The following SYMPK variants were observed in gnomAD, a reference collection of about 807,000 sequenced individuals.
SYMPK encodes symplekin scaffold protein.
A neutral mutation model predicts 136.4 loss-of-function variants in SYMPK; 49 were observed. That is an observed-to-expected ratio of 0.36 (90% CI 0.29 to 0.46). The LOEUF (loss-of-function observed/expected upper bound fraction) is 0.46. SYMPK is among the 20% of genes least tolerant of loss of function. The probability of loss-of-function intolerance (pLI) is 1.00; values close to 1 mark genes in which losing one functional copy is unlikely to be tolerated. For synonymous variants in SYMPK, 766 were observed against 713.0 expected (o/e 1.07, Z -1.19); for missense variants, 1,365 against 1,690.0 (o/e 0.81, Z 3.37).
intron 5 of SYMPK, among the ~76,000 whole-genome samples, chr19:45,850,633 G>C (rs773019843): frequency 1.3e-5 from 2 of 152,076 alleles, no homozygotes; most frequent in Non-Finnish European, 2.9e-5. Flanking sequence ...CACAGCGCAG[G>C]GCACAGTACG....
chr19:45,856,742 T>C (rs578168427), intron 1 of SYMPK, among the ~76,000 whole-genome samples: 3 of 152,124 alleles, frequency 2.0e-5, no homozygotes, highest in Non-Finnish European at 4.4e-5. Context: ...GAGGATCAAT[T>C]GAGCTCAGGA....
In SYMPK at chr19:45,854,521, A is replaced by G; in HGVS notation, c.-12-14T>C. 1 of 1,607,152 alleles carries G rather than the reference A, an allele frequency of 6.2e-7. No homozygotes were observed. The highest frequency in any genetic ancestry group is 1.7e-4 in the Middle Eastern group (1 of 6,044). On this transcript the variant is annotated splice_polypyrimidine_tract_variant and intron_variant, in intron 1 of 26. Coordinates refer to ENST00000245934, the MANE Select transcript of SYMPK (RefSeq NM_004819.3). ...GGCTGCTGTCAGCTTGTCCCCAGGA[A>G]AGAAGAGGATGGATCAAGCTCAGGG...
chr19:45,818,405 C>G (rs1401955637), intron 22 of SYMPK, among the ~76,000 whole-genome samples: 1 of 152,190 alleles, frequency 6.6e-6, no homozygotes, highest in East Asian at 1.9e-4. Context: ...AACAGGGAAC[C>G]CGTGGCCCCT....
chr19:45,816,409 T>G, intron 25 of SYMPK, 73 bp downstream of exon 25: 3 of 1,522,730 alleles, frequency 2.0e-6, no homozygotes, highest in South Asian at 1.2e-5. Context: ...GAGGAGGCCA[T>G]GGTGAGCCTT....
chr19:45,858,449 C>T (rs1971884669), intron 1 of SYMPK, among the ~76,000 whole-genome samples: 1 of 152,130 alleles, frequency 6.6e-6, no homozygotes, highest in South Asian at 2.1e-4. Context: ...CAGCACAACT[C>T]CTTCCCTCTT....
chr19:45,824,198 G>A (rs907470112), intron 18 of SYMPK: 2 of 252,314 alleles, frequency 7.9e-6, no homozygotes, highest in Non-Finnish European at 1.6e-5. Flanking sequence ...GATGTTTCTG[G>A]CTCCACCCAC....
At chr19:45,837,548 C>T (rs10413756) in intron 10 of SYMPK, among the ~76,000 whole-genome samples, 14,662 of 135,376 alleles carry the variant, frequency 0.11, 722 homozygotes, top group Middle Eastern at 0.12. Flanking sequence ...ACCCGGGAGG[C>T]GGAGATTACA....
At chr19:45,841,362 G>A (rs112655992) in intron 9 of SYMPK, among the ~76,000 whole-genome samples, 14,853 of 150,482 alleles carry the variant, frequency 0.099, 739 homozygotes, top group Middle Eastern at 0.1. Context: ...GCATGATCTC[G>A]GCTTACTGCA....
chr19:45,835,209 T>G lies in SYMPK; in HGVS notation c.1262A>C (p.Tyr421Ser). The G allele has an allele frequency of 6.2e-7, 1 of 1,606,768 alleles. No homozygotes were observed. Among genetic ancestry groups the G allele is most frequent in the Non-Finnish European group, 8.5e-7 (1 of 1,176,730 alleles). The change falls in exon 11 of 27, where the codon TAC becomes TCC. Residue 421 changes from tyrosine (Y) to serine (S), a missense_variant. This residue lies in a region of SYMPK where 15 missense variants were observed against 61.4 expected (regional missense o/e 0.24). Transcript: ENST00000245934. Reference protein sequence around the residue: ...VANLVLISMVYLPEAMPASFQ... With the variant: ...VANLVLISMVSLPEAMPASFQ... ...GGAGGCTGGCATGGCCTCGGGTAGG[T>G]ACACCATGCTGATGAGGACCTGTGG...
chr19:45,840,475 C>A (rs768748693), intron 9 of SYMPK, among the ~76,000 whole-genome samples: 2 of 151,880 alleles, frequency 1.3e-5, no homozygotes, highest in African/African-American at 4.8e-5. Context: ...ACCAGCCTGA[C>A]CAACATGGTG....
chr19:45,839,919 A>C (rs969005406), intron 9 of SYMPK, among the ~76,000 whole-genome samples: 2 of 152,186 alleles, frequency 1.3e-5, no homozygotes, highest in African/African-American at 2.4e-5. Context: ...AGTTTCAAAT[A>C]TCTCCCCCAG....
intron 1 of SYMPK, among the ~76,000 whole-genome samples, chr19:45,856,815 C>T (rs368288939): frequency 1.3e-5 from 2 of 151,502 alleles, no homozygotes; most frequent in Admixed American, 1.3e-4. Flanking sequence ...CAGAGCAACA[C>T]CCTGTCTCAG....
At position 45,818,073 on chromosome 19, in the gene SYMPK, C is replaced by CAGGGGG; in HGVS notation, c.2966_2967insCCCCCT (p.Met989delinsIleProLeu). The CAGGGGG allele has an allele frequency of 6.4e-7, 1 of 1,561,922 alleles. No individual in the cohort carries two copies. Among genetic ancestry groups the CAGGGGG allele is most frequent in the Non-Finnish European group, 8.7e-7 (1 of 1,153,156 alleles). Reference sequence around the variant, plus strand: ...GCAGCATGGGCAGGGGGCTCTGCTCCATCAGCTGCTGCATCACCACGGCCA... The same window carrying CAGGGGG: ...GCAGCATGGGCAGGGGGCTCTGCTCCAGGGGGATCAGCTGCTGCATCACCACGGCCA... On this transcript the variant is annotated protein_altering_variant, in exon 23 of 27. Coordinates refer to ENST00000245934, the MANE Select transcript of SYMPK (RefSeq NM_004819.3).
At chr19:45,817,415 CTCTT>C (rs1970775815) in intron 23 of SYMPK, among the ~76,000 whole-genome samples, 1 of 100,174 alleles carries the variant, frequency 1.0e-5, no homozygotes, top group South Asian at 3.6e-4. Context: ...TTTTTTTGTT[CTCTT>C]TTTTTTTTTT....
At chr19:45,837,748 GA>G (rs913909692) in intron 10 of SYMPK, among the ~76,000 whole-genome samples, 1 of 152,090 alleles carries the variant, frequency 6.6e-6, no homozygotes, top group African/African-American at 2.4e-5. Flanking sequence ...GGCTTCAGGT[GA>G]AAAGGGTGGG....
At chr19:45,836,077 T>TA (rs1971294334) in intron 10 of SYMPK, among the ~76,000 whole-genome samples, 2 of 151,902 alleles carry the variant, frequency 1.3e-5, no homozygotes, top group East Asian at 2.0e-4. Context: ...ATAATTTCCT[T>TA]TTTATTTATT....
At position 45,844,237 on chromosome 19, in the gene SYMPK, G is replaced by A. The variant is rs764425053; in HGVS notation, c.677-37C>T. ...AGAGGAGAACCAGTCAGTGGGATCC[G>A]TTTTCCCAGGCCTCTGGAGACAGCA... On this transcript the variant is annotated intron_variant, in intron 7 of 26. Transcript: ENST00000245934. 18 of 1,503,178 alleles carry A rather than the reference G, an allele frequency of 1.2e-5. 1 individual carries two copies. The highest frequency in any genetic ancestry group is 9.4e-5 in the South Asian group (7 of 74,432). 93.1% of individuals were successfully genotyped at this position (1,503,178 alleles called of 1,614,324 possible). A position where few individuals can be genotyped will look rare whatever the true frequency, so the allele number is the denominator to read the frequency against.
chr19:45,856,955 T>C (rs1018577858), intron 1 of SYMPK, among the ~76,000 whole-genome samples: 3 of 150,734 alleles, frequency 2.0e-5, no homozygotes, highest in Non-Finnish European at 4.4e-5. Flanking sequence ...TGTTCCCTAC[T>C]AAAAACATAC....
At position 45,827,543 on chromosome 19, in the gene SYMPK, G is replaced by C. The variant is rs748467475; in HGVS notation, c.2148C>G (p.Val716=). 2 of 1,614,132 alleles carry C rather than the reference G, an allele frequency of 1.2e-6. No individual in the cohort carries two copies. The highest frequency in any genetic ancestry group is 2.2e-5 in the South Asian group (2 of 91,086). Reference sequence around the variant, plus strand: ...TCTCATGGGAGCTGAGGTCGAGGAGGACATGCAGGTACTGGAACTGGCGGG... The same window carrying C: ...TCTCATGGGAGCTGAGGTCGAGGAGCACATGCAGGTACTGGAACTGGCGGG... ...RPSRQFQYLH[V]LLDLSSHEKD... is the part of the protein sequence containing the mutation. Residue 716 remains valine (V), a synonymous_variant, in exon 16 of 27, where the codon GTC becomes GTG. Coordinates refer to ENST00000245934, the MANE Select transcript of SYMPK (RefSeq NM_004819.3).
Sources: allele counts gnomAD v4.1 joint callset (sites outside exome capture counted in the v4.1 genomes callset), GRCh38; gene constraint gnomAD v4.1.1; regional missense constraint gnomAD v4.1.1; transcripts MANE v1.5; gene names NCBI Gene and HGNC (gene_info 2026-07-23, HGNC 2026-07-21).